Variants in ARK2N observed in about 807,000 individuals in gnomAD.
The protein encoded by ARK2N is arkadia (RNF111) N-terminal like PKA signaling regulator 2N, also known as protein ARK2N.
At chr18:46,181,710 G>A in the ARK2N span, among the ~76,000 whole-genome samples, 1,751 of 151,938 alleles carry the variant, frequency 0.012, 60 homozygotes, top group East Asian at 0.12. Context: ...GCGAGACTCC[G>A]TCTCAAAAAA....
At chr18:46,263,639 A>G in the ARK2N span, 2 of 153,034 alleles carry the variant, frequency 1.3e-5, no homozygotes, top group East Asian at 3.8e-4. Flanking sequence ...AGAAGACAGA[A>G]GTATTAAAAT....
chr18:46,229,821 C>T, the ARK2N span, among the ~76,000 whole-genome samples: 1 of 152,060 alleles, frequency 6.6e-6, no homozygotes, highest in Non-Finnish European at 1.5e-5. Context: ...CCAGGCTGGT[C>T]TTAAACTCCT....
the ARK2N span, among the ~76,000 whole-genome samples, chr18:46,205,012 C>T: frequency 2.3e-4 from 35 of 151,022 alleles, no homozygotes; most frequent in Middle Eastern, 3.4e-3. Context: ...GGTGCGATCT[C>T]GGCTCACTGC....
chr18:46,198,623 G>T, the ARK2N span, among the ~76,000 whole-genome samples: 2 of 151,800 alleles, frequency 1.3e-5, no homozygotes, highest in Non-Finnish European at 2.9e-5. Flanking sequence ...TTTTTGAGAT[G>T]GAGTTTTGGT....
chr18:46,203,167 C>T, the ARK2N span, among the ~76,000 whole-genome samples: 3 of 152,114 alleles, frequency 2.0e-5, no homozygotes, highest in African/African-American at 4.8e-5. Flanking sequence ...CATGTGCAAA[C>T]GTGCACAAGA....
the ARK2N span, chr18:46,253,925 A>G: frequency 7.7e-7 from 1 of 1,306,142 alleles, no homozygotes; most frequent in Middle Eastern, 1.9e-4. Context: ...CATAGCTGGC[A>G]TGAATGAATG....
At chr18:46,214,736 T>C in the ARK2N span, among the ~76,000 whole-genome samples, 2 of 152,250 alleles carry the variant, frequency 1.3e-5, no homozygotes, top group African/African-American at 4.8e-5. Context: ...GAGTATTTTC[T>C]CTTAAATCCC....
chr18:46,239,969 C>G, the ARK2N span: 1 of 1,591,154 alleles, frequency 6.3e-7, no homozygotes, highest in Non-Finnish European at 8.6e-7. Flanking sequence ...TCACCCCACA[C>G]GTTAGATACA....
the ARK2N span, among the ~76,000 whole-genome samples, chr18:46,197,706 G>A: frequency 6.6e-6 from 1 of 152,238 alleles, no homozygotes; most frequent in African/African-American, 2.4e-5. Context: ...ATAATAGCCA[G>A]TTAGTCGTTG....
the ARK2N span, among the ~76,000 whole-genome samples, chr18:46,201,934 C>G: frequency 6.6e-6 from 1 of 151,918 alleles, no homozygotes; most frequent in African/African-American, 2.4e-5. Context: ...GGCGCCATTA[C>G]GCCTGGCTAA....
At chr18:46,262,982 G>T in the ARK2N span, 1 of 1,614,144 alleles carries the variant, frequency 6.2e-7, no homozygotes, top group Non-Finnish European at 8.5e-7. Context: ...TGGAAGCATG[G>T]CTCGGGCACG....
chr18:46,247,229 C>T, the ARK2N span, among the ~76,000 whole-genome samples: 4 of 151,732 alleles, frequency 2.6e-5, no homozygotes, highest in Non-Finnish European at 4.4e-5. Context: ...AGTAACTTTT[C>T]GTTTCATAAA....
chr18:46,175,477 A>G, the ARK2N span, among the ~76,000 whole-genome samples: 6 of 152,096 alleles, frequency 3.9e-5, no homozygotes, highest in Non-Finnish European at 5.9e-5. Flanking sequence ...TTGGCAATCT[A>G]GATTCCTCCA....
chr18:46,183,090 A>G, the ARK2N span, among the ~76,000 whole-genome samples: 1 of 152,182 alleles, frequency 6.6e-6, no homozygotes, highest in Non-Finnish European at 1.5e-5. Context: ...TAAAAAAAAA[A>G]AGGAAGAGTT....
the ARK2N span, among the ~76,000 whole-genome samples, chr18:46,234,840 T>C: frequency 6.6e-6 from 1 of 152,088 alleles, no homozygotes; most frequent in Non-Finnish European, 1.5e-5. Flanking sequence ...ACAAGACAGA[T>C]TTTTTTTCTT....
At chr18:46,255,614 G>A in the ARK2N span, among the ~76,000 whole-genome samples, 3 of 151,520 alleles carry the variant, frequency 2.0e-5, no homozygotes, top group African/African-American at 4.8e-5. Flanking sequence ...ACCACGCTCC[G>A]CTAATTTTGT....
At chr18:46,184,296 G>A in the ARK2N span, among the ~76,000 whole-genome samples, 1 of 152,060 alleles carries the variant, frequency 6.6e-6, no homozygotes. Context: ...AGCAGTTTTT[G>A]TATTTTTAAT....
chr18:46,239,024 TA>T, the ARK2N span, among the ~76,000 whole-genome samples: 1 of 152,162 alleles, frequency 6.6e-6, no homozygotes, highest in Admixed American at 6.5e-5. Flanking sequence ...TATATTAAAA[TA>T]GGGGTAGTAG....
chr18:46,205,564 T>G, the ARK2N span, among the ~76,000 whole-genome samples: 1 of 152,230 alleles, frequency 6.6e-6, no homozygotes, highest in South Asian at 2.1e-4. Flanking sequence ...AAACAATTGG[T>G]TCACATCTTT....
Sources: gnomAD v4.1 joint callset for allele counts (sites outside exome capture counted in the v4.1 genomes callset) on GRCh38, gnomAD v4.1.1 for gene constraint, MANE v1.5 for transcripts, NCBI Gene and HGNC (gene_info 2026-07-23, HGNC 2026-07-21) for gene names.